Variants in THADA observed in about 807,000 individuals in gnomAD.
THADA encodes the protein THADA armadillo repeat containing.
In THADA, 213 loss-of-function variants were observed where a neutral mutation model predicts 219.8. The ratio of observed to expected loss-of-function variants is 0.97; its 90% CI spans 0.87 to 1.09. THADA has a LOEUF of 1.09. THADA is among the 50% of genes least tolerant of loss of function. The pLI is 0.00. For synonymous variants in THADA, 1,018 were observed against 828.9 expected (o/e 1.23, Z -3.92); for missense variants, 2,956 against 2,311.3 (o/e 1.28, Z -5.72).
chr2:43,321,063 T>TC (rs1256026472), intron 30 of THADA, among the ~76,000 whole-genome samples: 1 of 152,210 alleles, frequency 6.6e-6, no homozygotes, highest in Non-Finnish European at 1.5e-5. Flanking sequence ...GATGACATTT[T>TC]CCCCAATAAA....
intron 25 of THADA, among the ~76,000 whole-genome samples, chr2:43,494,836 G>A (rs1448925037): frequency 6.6e-6 from 1 of 152,164 alleles, no homozygotes; most frequent in East Asian, 1.9e-4. Flanking sequence ...AGGTAGCAAA[G>A]TTTGAGAGAT....
At chr2:43,593,441 CCATA>C (rs1701795689) in intron 1 of THADA, among the ~76,000 whole-genome samples, 1 of 152,060 alleles carries the variant, frequency 6.6e-6, no homozygotes, top group South Asian at 2.1e-4. Context: ...GCGCTGGCGG[CCATA>C]CTCTAAGGAG....
At chr2:43,511,936 G>T (rs1408272850) in intron 22 of THADA, among the ~76,000 whole-genome samples, 3 of 152,170 alleles carry the variant, frequency 2.0e-5, no homozygotes. Context: ...GAGATGACTG[G>T]GGAAAGAGCT....
intron 36 of THADA, among the ~76,000 whole-genome samples, chr2:43,276,249 C>T (rs1443425722): frequency 2.0e-5 from 3 of 152,156 alleles, no homozygotes; most frequent in African/African-American, 7.2e-5. Flanking sequence ...GAGGGTCCTG[C>T]AGCTGGGGCT....
rs1699665009 is a variant in THADA at position 43,574,693 on chromosome 2, G to A, written c.1372C>T (p.Leu458Phe). The A allele has an allele frequency of 6.2e-7, 1 of 1,614,004 alleles. No individual in the cohort carries two copies. Among genetic ancestry groups the A allele is most frequent in the Non-Finnish European group, 8.5e-7 (1 of 1,179,894 alleles). ...CCTATGCACTCTACCAAACAACCAAGGCACGTGTACTTTCCTTTAATATGC... is the reference window on the plus strand; with the variant it reads ...CCTATGCACTCTACCAAACAACCAAAGCACGTGTACTTTCCTTTAATATGC... ...EWHIKGKYTC[L>F]GCLVECIGVE... Residue 458 changes from leucine (L) to phenylalanine (F), a missense_variant, in exon 11 of 38, where the codon CTT becomes TTT. By Grantham distance (22) the Leu-to-Phe change is conservative. Transcript: ENST00000405975.
In THADA at chr2:43,590,939, C is replaced by G; in HGVS notation, c.187G>C (p.Glu63Gln). 6 of 1,612,512 alleles carry G rather than the reference C, an allele frequency of 3.7e-6. No homozygotes were observed. The highest frequency in any genetic ancestry group is 4.2e-6 in the Non-Finnish European group (5 of 1,179,068). Residue 63 changes from glutamate (E) to glutamine (Q), a missense_variant, in exon 4 of 38, where the codon GAG becomes CAG. Glu to Gln is a conservative substitution (Grantham distance 29). Coordinates refer to ENST00000405975, the MANE Select transcript of THADA (RefSeq NM_022065.5). ...HYIKQIVPLL[E>Q]KADKNGMCDP... ...CACATGCCATTTTTATCTGCTTTCT[C>G]CAGCAGAGGCACAATCTATAATACA...
intron 30 of THADA, among the ~76,000 whole-genome samples, chr2:43,332,520 T>C (rs565345023): frequency 9.2e-5 from 14 of 152,374 alleles, no homozygotes; most frequent in African/African-American, 3.1e-4. Flanking sequence ...TCTTGTAATA[T>C]TTGTGACTCT....
chr2:43,268,343 C>T (rs539396178), intron 36 of THADA, among the ~76,000 whole-genome samples: 1 of 152,294 alleles, frequency 6.6e-6, no homozygotes, highest in South Asian at 2.1e-4. Context: ...AACAGACACT[C>T]TGAAAGGTGC....
intron 28 of THADA, among the ~76,000 whole-genome samples, chr2:43,407,887 A>G (rs1401193075): frequency 1.3e-5 from 2 of 152,110 alleles, no homozygotes; most frequent in African/African-American, 4.8e-5. Context: ...ATTCCCAAAT[A>G]AAATGTAACC....
At chr2:43,438,250 C>T (rs1446941427) in intron 26 of THADA, among the ~76,000 whole-genome samples, 4 of 135,188 alleles carry the variant, frequency 3.0e-5, no homozygotes, top group East Asian at 2.5e-4. Context: ...TGCAGTGAGC[C>T]GAGATCGTGC....
intron 25 of THADA, among the ~76,000 whole-genome samples, chr2:43,489,051 C>A (rs534898680): frequency 1.3e-5 from 2 of 152,278 alleles, no homozygotes; most frequent in East Asian, 3.9e-4. Flanking sequence ...ATTCTGGACA[C>A]TCCACTCTTA....
At chr2:43,581,086 A>G (rs953829425) in intron 8 of THADA, among the ~76,000 whole-genome samples, 14 of 152,216 alleles carry the variant, frequency 9.2e-5, no homozygotes, top group Non-Finnish European at 2.1e-4. Context: ...CTTTTTATAT[A>G]AATACTTGTG....
At chr2:43,318,187 G>A (rs1678292067) in intron 31 of THADA, among the ~76,000 whole-genome samples, 1 of 151,830 alleles carries the variant, frequency 6.6e-6, no homozygotes, top group African/African-American at 2.4e-5. Flanking sequence ...CTACAGATGT[G>A]TGCTACCACA....
At chr2:43,373,730 G>C (rs1389825720) in intron 29 of THADA, among the ~76,000 whole-genome samples, 1 of 152,000 alleles carries the variant, frequency 6.6e-6, no homozygotes, top group African/African-American at 2.4e-5. Context: ...TGTCCACCTC[G>C]GCCTCCCAAA....
intron 30 of THADA, among the ~76,000 whole-genome samples, chr2:43,330,283 G>A (rs1252616187): frequency 6.6e-6 from 1 of 152,198 alleles, no homozygotes; most frequent in Non-Finnish European, 1.5e-5. Flanking sequence ...GAGCTTGCGT[G>A]GGAAGGTGTT....
In THADA at chr2:43,495,155, TG is replaced by T. The variant is rs1284347784; in HGVS notation, c.3744+3677del. 2.0e-5 allele frequency among the ~76,000 whole-genome samples: 3 copies of T among 152,232 alleles called. No individual in the cohort carries two copies. The East Asian group carries it at 5.8e-4, about 29-fold the overall frequency. On this transcript the variant is annotated intron_variant, in intron 25 of 37. Coordinates refer to ENST00000405975, the MANE Select transcript of THADA (RefSeq NM_022065.5). ...AGAGAATGCTTTTGTAAATTGTTTT[TG>T]TAAGTGAATACTTCTTCACATCCAT...
intron 34 of THADA, among the ~76,000 whole-genome samples, chr2:43,287,298 CT>C (rs1178957731): frequency 6.6e-6 from 1 of 151,070 alleles, no homozygotes; most frequent in Non-Finnish European, 1.5e-5. Context: ...TTCCTTTAGT[CT>C]TTTTTTTTGG....
chr2:43,524,519 A>G (rs974932028), intron 22 of THADA, among the ~76,000 whole-genome samples: 2 of 152,158 alleles, frequency 1.3e-5, no homozygotes, highest in Non-Finnish European at 2.9e-5. Flanking sequence ...CTTTTTGCAA[A>G]CTTTTTAAAT....
intron 31 of THADA, among the ~76,000 whole-genome samples, chr2:43,297,896 T>G (rs1290413363): frequency 2.1e-5 from 2 of 94,272 alleles, no homozygotes; most frequent in Non-Finnish European, 4.0e-5. Context: ...CGGCCGCCCC[T>G]ACTGGGAAGT....
Sources: allele counts gnomAD v4.1 joint callset (sites outside exome capture counted in the v4.1 genomes callset), GRCh38; gene constraint gnomAD v4.1.1; transcripts MANE v1.5; gene names NCBI Gene and HGNC (gene_info 2026-07-23, HGNC 2026-07-21).